Variants in FAM3B observed in about 807,000 individuals in gnomAD.
FAM3B encodes protein FAM3B.
In FAM3B, 29 loss-of-function variants were observed where a neutral mutation model predicts 28.4. The observed-to-expected ratio is 1.02, with a 90% CI of 0.76 to 1.39. The LOEUF (loss-of-function observed/expected upper bound fraction) is 1.39, where lower values mean the gene tolerates loss of function less well. Ranked by LOEUF, FAM3B falls within the 40% of genes most tolerant of loss-of-function variation. The pLI, the probability that FAM3B is intolerant of heterozygous loss-of-function variation, is 0.00. For missense variants in FAM3B, 266 were observed against 293.9 expected (o/e 0.91, Z 0.69); for synonymous variants, 91 against 103.0 (o/e 0.88, Z 0.71).
At chr21:41,334,166 A>G (rs1339879591) in intron 2 of FAM3B, among the ~76,000 whole-genome samples, 2 of 152,248 alleles carry the variant, frequency 1.3e-5, no homozygotes, top group African/African-American at 4.8e-5. Flanking sequence ...GCAGAGCATA[A>G]AAGTTTGGAA....
At chr21:41,310,475 T>C (rs909876236) in intron 1 of FAM3B, among the ~76,000 whole-genome samples, 5 of 152,200 alleles carry the variant, frequency 3.3e-5, no homozygotes, top group Non-Finnish European at 4.4e-5. Context: ...TGTGTCACTT[T>C]TGTGCACTGA....
At position 41,344,480 on chromosome 21, in the gene FAM3B, A is replaced by C; in HGVS notation, c.292A>C (p.Met98Leu). The C allele has an allele frequency of 1.9e-6, 3 of 1,614,068 alleles. No homozygotes were observed. The highest frequency in any genetic ancestry group is 2.2e-5 in the South Asian group (2 of 91,076). ...TAATGCTTAGCTCCATTTCAGACTT[A>C]TGGGAGAACAGCTGGGAAATGTTGC... ...AKICFEDNLL[M>L]GEQLGNVARG... The change falls in exon 4 of 8, where the codon ATG becomes CTG. Residue 98 changes from methionine (M) to leucine (L), a missense_variant. Transcript: ENST00000357985.
At chr21:41,338,600 C>T (rs1422588768) in intron 3 of FAM3B, 99 bp downstream of exon 3, 12 of 1,491,668 alleles carry the variant, frequency 8.0e-6, no homozygotes, top group African/African-American at 5.6e-5. Flanking sequence ...AGGAGAGAAC[C>T]ATATGTCGTT....
intron 7 of FAM3B, among the ~76,000 whole-genome samples, chr21:41,350,785 G>A (rs143719184): frequency 6.6e-4 from 101 of 152,292 alleles, no homozygotes; most frequent in Non-Finnish European, 1.3e-3. Context: ...CCTTAACAGC[G>A]TCCTCCGACT....
At chr21:41,331,319 T>C (rs1256445745) in intron 2 of FAM3B, among the ~76,000 whole-genome samples, 1 of 152,246 alleles carries the variant, frequency 6.6e-6, no homozygotes, top group African/African-American at 2.4e-5. Flanking sequence ...TTGGGTTCCT[T>C]GTATGTTTTG....
chr21:41,356,711 T>C (rs1267792691), intron 7 of FAM3B, among the ~76,000 whole-genome samples: 1 of 152,188 alleles, frequency 6.6e-6, no homozygotes, highest in Non-Finnish European at 1.5e-5. Context: ...GGTATAAATA[T>C]ATGGGTAGAA....
intron 1 of FAM3B, 106 bp downstream of exon 1, chr21:41,317,004 C>G (rs66482320): frequency 0.12 from 121,169 of 1,052,624 alleles, 7,347 homozygotes; most frequent in African/African-American, 0.21. Context: ...TTAGCAAAAG[C>G]GGGAGGGCTG....
Position 41,357,439 on chromosome 21 carries a change from A to T in FAM3B, c.*242A>T. On this transcript the variant is annotated 3_prime_UTR_variant, in exon 8 of 8. Coordinates refer to ENST00000357985, the MANE Select transcript of FAM3B (RefSeq NM_058186.4). ...TGAATGGAAATTCTTAAAGGGAATG[A>T]TGTGATTCAAGCTGGAAAGAGGGTT... is the stretch of plus-strand genomic sequence containing the variant. The T allele has an allele frequency of 3.0e-6, 1 of 336,166 alleles. No homozygotes were observed. Among genetic ancestry groups the T allele is most frequent in the South Asian group, 3.4e-5 (1 of 29,440 alleles). 20.8% of individuals were successfully genotyped at this position (336,166 alleles called of 1,614,324 possible).
chr21:41,344,434 G>A (rs56902449), intron 3 of FAM3B, 42 bp from the exon 4 acceptor site: 30,518 of 1,579,528 alleles, frequency 0.019, 856 homozygotes, highest in African/African-American at 0.11. Context: ...GGGGAGAGTC[G>A]CACGCCTCTT....
intron 1 of FAM3B, among the ~76,000 whole-genome samples, chr21:41,317,143 C>A (rs2088757187): frequency 6.6e-6 from 1 of 152,188 alleles, no homozygotes; most frequent in Non-Finnish European, 1.5e-5. Context: ...CAGGCCTGTT[C>A]CCGCCGCCCC....
At chr21:41,309,007 T>G (rs959128858) in intron 1 of FAM3B, among the ~76,000 whole-genome samples, 6 of 152,224 alleles carry the variant, frequency 3.9e-5, no homozygotes, top group African/African-American at 7.2e-5. Flanking sequence ...TGGGATGTGT[T>G]ACTGGGACCA....
exon 1 of FAM3B, chr21:41,304,295 AG>A (rs2088669102): frequency 2.2e-6 from 1 of 456,018 alleles, no homozygotes; most frequent in South Asian, 1.5e-5. Flanking sequence ...GTGCGAAGGC[AG>A]GAGCCCGAGA....
At chr21:41,357,041 C>G (rs2089173216) in intron 7 of FAM3B, 67 bp from the exon 8 acceptor site, 1 of 1,229,306 alleles carries the variant, frequency 8.1e-7, no homozygotes, top group Non-Finnish European at 1.1e-6. Context: ...CGGCTCACAA[C>G]TGATACTGAT....
At chr21:41,318,627 C>G (rs2088772281) in intron 1 of FAM3B, among the ~76,000 whole-genome samples, 1 of 152,198 alleles carries the variant, frequency 6.6e-6, no homozygotes, top group African/African-American at 2.4e-5. Context: ...CTCATCTCTC[C>G]TGGCCTCTCA....
intron 2 of FAM3B, among the ~76,000 whole-genome samples, chr21:41,336,809 C>A (rs1490972351): frequency 6.6e-6 from 1 of 152,160 alleles, no homozygotes; most frequent in Non-Finnish European, 1.5e-5. Context: ...TGAATTCACT[C>A]CTTTATTATC....
At position 41,344,823 on chromosome 21, in the gene FAM3B, G is replaced by T. The variant is rs377675151; in HGVS notation, c.346+289G>T. 6.6e-5 allele frequency among the ~76,000 whole-genome samples: 10 copies of T among 152,336 alleles called. No individual in the cohort carries two copies. In the East Asian group the frequency reaches 1.7e-3, roughly 26 times the overall value. ...TAACACCAGAAGGGCCGCCAAGGGGGTGCAGCCTGTGGTCCTGGACTGAGC... is the reference window on the plus strand; with the variant it reads ...TAACACCAGAAGGGCCGCCAAGGGGTTGCAGCCTGTGGTCCTGGACTGAGC... On this transcript the variant is annotated intron_variant, in intron 4 of 7. Coordinates refer to ENST00000357985, the MANE Select transcript of FAM3B (RefSeq NM_058186.4).
intron 7 of FAM3B, among the ~76,000 whole-genome samples, chr21:41,354,354 GTTATA>G (rs1047819226): frequency 4.6e-5 from 7 of 152,140 alleles, no homozygotes; most frequent in African/African-American, 9.6e-5. Flanking sequence ...AATAGAAATT[GTTATA>G]TTATAAAGAC....
At chr21:41,329,139 C>T (rs184150196) in intron 2 of FAM3B, among the ~76,000 whole-genome samples, 15 of 152,306 alleles carry the variant, frequency 9.8e-5, no homozygotes, top group Admixed American at 2.6e-4. Flanking sequence ...TTAAAATCTA[C>T]TCTCATGGTG....
chr21:41,322,026 C>G (rs2088811336), intron 1 of FAM3B, among the ~76,000 whole-genome samples: 1 of 152,118 alleles, frequency 6.6e-6, no homozygotes, highest in Non-Finnish European at 1.5e-5. Flanking sequence ...TTTAAATGCA[C>G]TGGGCACATA....
Sources: gnomAD v4.1 joint callset for allele counts (sites outside exome capture counted in the v4.1 genomes callset) on GRCh38, gnomAD v4.1.1 for gene constraint, MANE v1.5 for transcripts, NCBI Gene and HGNC (gene_info 2026-07-23, HGNC 2026-07-21) for gene names.